Variants in THSD4 observed in about 807,000 individuals in gnomAD.
THSD4 encodes the protein thrombospondin type 1 domain containing 4, also known as thrombospondin type-1 domain-containing protein 4.
Under a neutral mutation model 119.0 loss-of-function variants are expected in THSD4, and 69 were observed. That is an observed-to-expected ratio of 0.58 (90% confidence interval 0.48 to 0.71). The LOEUF (loss-of-function observed/expected upper bound fraction) is 0.71. Among genes scored for constraint, THSD4 ranks in the 30% least tolerant of loss-of-function variants. The pLI, the probability that THSD4 is intolerant of heterozygous loss-of-function variation, is 0.00. For synonymous variants in THSD4, 524 were observed against 540.4 expected (o/e 0.97, Z 0.42); for missense variants, 1,393 against 1,391.1 (o/e 1.00, Z -0.02).
At chr15:71,690,501 A>G (rs1222460396) in intron 8 of THSD4, among the ~76,000 whole-genome samples, 2 of 152,192 alleles carry the variant, frequency 1.3e-5, no homozygotes. Flanking sequence ...GATACTCACT[A>G]TGGTAGACAG....
chr15:71,538,482 T>C (rs956424889), intron 7 of THSD4, among the ~76,000 whole-genome samples: 1 of 152,252 alleles, frequency 6.6e-6, no homozygotes, highest in Non-Finnish European at 1.5e-5. Flanking sequence ...GGCTTCGTGC[T>C]ATGTTTTAGT....
intron 6 of THSD4, among the ~76,000 whole-genome samples, chr15:71,292,065 G>T (rs1004110670): frequency 2.6e-5 from 4 of 152,172 alleles, no homozygotes; most frequent in Non-Finnish European, 5.9e-5. Flanking sequence ...CCCTAGACTT[G>T]ACATAATTAA....
At chr15:71,412,294 C>T (rs1267148304) in intron 7 of THSD4, among the ~76,000 whole-genome samples, 2 of 152,166 alleles carry the variant, frequency 1.3e-5, no homozygotes, top group Non-Finnish European at 2.9e-5. Flanking sequence ...AGAAGTTGTA[C>T]TTTAAACAGG....
At position 71,301,328 on chromosome 15, in the gene THSD4, A is replaced by G. The variant is rs16955416; in HGVS notation, c.1015+44613A>G. 1.6e-3 allele frequency among the ~76,000 whole-genome samples: 243 copies of G among 152,304 alleles called. 1 individual carries two copies. Among genetic ancestry groups the G allele is most frequent in the African/African-American group, 5.6e-3 (233 of 41,564 alleles). On this transcript the variant is annotated intron_variant, in intron 6 of 17. Transcript: ENST00000261862. ...GTAAACAGCTTTTAGGCCAACAAAG[A>G]CCTGATTTTTCACATAATTTTTCAC...
intron 1 of THSD4, among the ~76,000 whole-genome samples, chr15:71,109,701 C>A (rs1485913195): frequency 2.7e-5 from 4 of 146,694 alleles, no homozygotes; most frequent in African/African-American, 5.1e-5. Flanking sequence ...CACCATCACA[C>A]ACAGAGTGGT....
chr15:71,746,466 C>T (rs2053339647), intron 12 of THSD4, among the ~76,000 whole-genome samples: 1 of 152,180 alleles, frequency 6.6e-6, no homozygotes, highest in South Asian at 2.1e-4. Flanking sequence ...ACAATCATGG[C>T]TCACTGCAGC....
chr15:71,495,775 C>T (rs2048006141), intron 7 of THSD4, among the ~76,000 whole-genome samples: 1 of 152,244 alleles, frequency 6.6e-6, no homozygotes, highest in South Asian at 2.1e-4. Flanking sequence ...TTTACAAACA[C>T]ATGCCCCTGT....
At chr15:71,498,071 T>C (rs981414279) in intron 7 of THSD4, among the ~76,000 whole-genome samples, 13 of 152,210 alleles carry the variant, frequency 8.5e-5, no homozygotes, top group Admixed American at 7.2e-4. Flanking sequence ...CCAGCATGCG[T>C]TGGTGATAGA....
chr15:71,117,971 G>A (rs572230886), intron 1 of THSD4, among the ~76,000 whole-genome samples: 3 of 152,196 alleles, frequency 2.0e-5, no homozygotes, highest in South Asian at 2.1e-4. Flanking sequence ...AGAAATAACC[G>A]CAATACAAGG....
chr15:71,473,448 C>T (rs1321574745), intron 7 of THSD4, among the ~76,000 whole-genome samples: 2 of 152,166 alleles, frequency 1.3e-5, no homozygotes, highest in African/African-American at 4.8e-5. Flanking sequence ...AGCTGGAACC[C>T]TGAGCACGGA....
intron 6 of THSD4, among the ~76,000 whole-genome samples, chr15:71,274,546 G>A (rs757540669): frequency 6.6e-6 from 1 of 152,148 alleles, no homozygotes; most frequent in Non-Finnish European, 1.5e-5. Flanking sequence ...CTATAATCCT[G>A]GTTGCTGGTC....
intron 6 of THSD4, among the ~76,000 whole-genome samples, chr15:71,343,969 C>G (rs2045617421): frequency 6.6e-6 from 1 of 151,904 alleles, no homozygotes; most frequent in Admixed American, 6.6e-5. Flanking sequence ...CCACCTCACC[C>G]TCCCAAAGTG....
intron 3 of THSD4, among the ~76,000 whole-genome samples, chr15:71,180,244 T>TATATCTG (rs1364176597): frequency 6.6e-6 from 1 of 150,978 alleles, no homozygotes; most frequent in Non-Finnish European, 1.5e-5. Context: ...TTGCAAATCA[T>TATATCTG]ATATCTGATA....
intron 6 of THSD4, among the ~76,000 whole-genome samples, chr15:71,397,563 G>A (rs149244142): frequency 3.9e-5 from 6 of 152,328 alleles, no homozygotes; most frequent in African/African-American, 1.4e-4. Context: ...AACATCTGGT[G>A]AATGAACAAG....
intron 8 of THSD4, among the ~76,000 whole-genome samples, chr15:71,713,203 T>C (rs1335004996): frequency 6.6e-6 from 1 of 152,208 alleles, no homozygotes; most frequent in African/African-American, 2.4e-5. Flanking sequence ...CTCTGGTCCC[T>C]CCCATTGGGC....
At chr15:71,745,299 A>G in intron 12 of THSD4, 64 bp downstream of exon 12, 2 of 1,579,380 alleles carry the variant, frequency 1.3e-6, no homozygotes, top group Non-Finnish European at 1.7e-6. Flanking sequence ...TATGCACAGG[A>G]CCTTAGGAAC....
Position 71,277,530 on chromosome 15 carries a change from G to T in THSD4, c.1015+20815G>T, listed in dbSNP as rs116104808. Among the ~76,000 whole-genome samples, 373 of 152,292 alleles carry T rather than the reference G, an allele frequency of 2.4e-3. 3 individuals are homozygous for T. Among genetic ancestry groups the T allele is most frequent in the African/African-American group, 8.5e-3 (352 of 41,544 alleles). ...ATAGACATAATTATCACACCTCTTA[G>T]CTGCAAATCTAGGCTTCACCATCAG... On this transcript the variant is annotated intron_variant, in intron 6 of 17. Coordinates refer to ENST00000261862, the MANE Select transcript of THSD4 (RefSeq NM_024817.3).
At chr15:71,515,627 C>G (rs2048349728) in intron 7 of THSD4, among the ~76,000 whole-genome samples, 1 of 152,148 alleles carries the variant, frequency 6.6e-6, no homozygotes, top group South Asian at 2.1e-4. Flanking sequence ...CTTTCAAGGG[C>G]TGGGCTTGTA....
chr15:71,346,871 T>A lies in THSD4; in HGVS notation c.1016-64816T>A, dbSNP rs1596355059. Among the ~76,000 whole-genome samples the A allele has an allele frequency of 2.3e-5, 3 of 130,810 alleles. No individual in the cohort carries two copies. The East Asian group carries it at 6.5e-4, about 28-fold the overall frequency. 85.8% of individuals were successfully genotyped at this position (130,810 alleles called of 152,430 possible). On this transcript the variant is annotated intron_variant, in intron 6 of 17. Coordinates refer to ENST00000261862, the MANE Select transcript of THSD4 (RefSeq NM_024817.3). ...TCATAAGTTTCATTTTCATTTTCTT[T>A]TTTTTTTTTTTTTTTTTTTTGAGAC...
Sources: gnomAD v4.1 joint callset for allele counts (sites outside exome capture counted in the v4.1 genomes callset) on GRCh38, gnomAD v4.1.1 for gene constraint, MANE v1.5 for transcripts, NCBI Gene and HGNC (gene_info 2026-07-23, HGNC 2026-07-21) for gene names.